Variants in DLG2 observed in about 807,000 individuals in gnomAD.
DLG2 encodes the protein discs large MAGUK scaffold protein 2, also known as disks large homolog 2.
Under a neutral mutation model 132.5 loss-of-function variants are expected in DLG2, and 45 were observed. The observed-to-expected ratio is 0.34, with a 90% CI of 0.27 to 0.44. DLG2 has a LOEUF of 0.44. Ranked by LOEUF, DLG2 falls within the 20% of genes least tolerant of loss-of-function variation. The pLI, the probability that DLG2 is intolerant of heterozygous loss-of-function variation, is 1.00. For missense variants in DLG2, 1,045 were observed against 1,196.9 expected (o/e 0.87, Z 1.87); for synonymous variants, 424 against 419.6 (o/e 1.01, Z -0.13).
chr11:84,898,180 C>T (rs537196040), intron 6 of DLG2, among the ~76,000 whole-genome samples: 1 of 151,974 alleles, frequency 6.6e-6, no homozygotes, highest in Admixed American at 6.6e-5. Context: ...GTTAAATAAG[C>T]TAAGTTTGTA....
chr11:84,895,635 T>C (rs980036747), intron 6 of DLG2, among the ~76,000 whole-genome samples: 1 of 152,108 alleles, frequency 6.6e-6, no homozygotes, highest in African/African-American at 2.4e-5. Context: ...GGCAGATAGT[T>C]TTTTAGTTTT....
At chr11:84,412,931 A>G (rs1260193212) in intron 7 of DLG2, among the ~76,000 whole-genome samples, 1 of 152,232 alleles carries the variant, frequency 6.6e-6, no homozygotes, top group Non-Finnish European at 1.5e-5. Context: ...AACCCAATGG[A>G]AAATTCTTTT....
intron 6 of DLG2, among the ~76,000 whole-genome samples, chr11:84,846,125 A>C (rs2081441511): frequency 6.6e-6 from 1 of 152,060 alleles, no homozygotes; most frequent in Admixed American, 6.6e-5. Context: ...CTCATCTAGA[A>C]TCTTATCCTC....
chr11:84,805,168 G>C (rs2075849628), intron 6 of DLG2, among the ~76,000 whole-genome samples: 1 of 152,004 alleles, frequency 6.6e-6, no homozygotes, highest in Non-Finnish European at 1.5e-5. Flanking sequence ...GCTAACAATG[G>C]AGGCTTAGTG....
chr11:84,839,778 G>A (rs1441521830), intron 6 of DLG2, among the ~76,000 whole-genome samples: 2 of 152,078 alleles, frequency 1.3e-5, no homozygotes, highest in African/African-American at 2.4e-5. Flanking sequence ...GGGAAAACTG[G>A]CTACCCATAT....
intron 7 of DLG2, among the ~76,000 whole-genome samples, chr11:84,365,490 G>GT (rs2098676671): frequency 1.3e-5 from 2 of 152,080 alleles, no homozygotes; most frequent in South Asian, 2.1e-4. Context: ...TTTTTGAAGG[G>GT]TTTTTTATGT....
intron 6 of DLG2, among the ~76,000 whole-genome samples, chr11:84,886,520 C>T (rs537492430): frequency 2.6e-4 from 40 of 152,224 alleles, no homozygotes; most frequent in South Asian, 1.2e-3. Context: ...CATCTCTTGG[C>T]ACCACTGTCA....
intron 6 of DLG2, among the ~76,000 whole-genome samples, chr11:85,062,440 A>G (rs2064255352): frequency 6.6e-6 from 1 of 151,732 alleles, no homozygotes; most frequent in African/African-American, 2.4e-5. Flanking sequence ...GTTGTTAAGA[A>G]GATAATAAAT....
intron 6 of DLG2, among the ~76,000 whole-genome samples, chr11:84,927,722 A>T (rs755497532): frequency 6.6e-6 from 1 of 151,988 alleles, no homozygotes; most frequent in Non-Finnish European, 1.5e-5. Flanking sequence ...CATGTCAGAA[A>T]ATATTATGAT....
chr11:83,762,727 C>T (rs2093963121), intron 18 of DLG2, among the ~76,000 whole-genome samples: 1 of 152,082 alleles, frequency 6.6e-6, no homozygotes, highest in Non-Finnish European at 1.5e-5. Flanking sequence ...ACTACAGGCG[C>T]ATGCCGCCAC....
chr11:84,710,267 C>T (rs2060233919), intron 6 of DLG2, among the ~76,000 whole-genome samples: 1 of 151,888 alleles, frequency 6.6e-6, no homozygotes, highest in Non-Finnish European at 1.5e-5. Context: ...ACTGAAAGGT[C>T]CCCAAGGCAG....
rs148933973 is a variant in DLG2 at position 83,471,720 on chromosome 11, G to A, written c.2352C>T (p.Tyr784=). 4 of 1,612,416 alleles carry A rather than the reference G, an allele frequency of 2.5e-6. No homozygotes were observed. The highest frequency in any genetic ancestry group is 1.7e-5 in the Admixed American group (1 of 59,852). ...YEPVTRQEIN[Y]TRPVIILGPM... ...GCCCCAGGATAATCACCGGCCGGGT[G>A]TAGTTTACTGCAGAATGGGAAAGGA... The change falls in exon 24 of 28, where the codon TAC becomes TAT. Residue 784 remains tyrosine (Y), a synonymous_variant. Transcript: ENST00000376104.
chr11:85,032,073 G>A (rs1407774498), intron 6 of DLG2, among the ~76,000 whole-genome samples: 1 of 151,146 alleles, frequency 6.6e-6, no homozygotes. Context: ...AAAGTGCTGG[G>A]ATTATAGGCA....
At position 84,153,537 on chromosome 11, in the gene DLG2, T is replaced by A. The variant is rs1054529109; in HGVS notation, c.624+9924A>T. On this transcript the variant is annotated intron_variant, in intron 9 of 27. Coordinates refer to ENST00000376104, the MANE Select transcript of DLG2 (RefSeq NM_001142699.3). ...CATATTTCTTGGAGGTTTTGCTCAT[T>A]AAAAAAAAATATTTTTTCTTTATTT... Among the ~76,000 whole-genome samples the A allele has an allele frequency of 2.0e-5, 3 of 151,204 alleles. No homozygotes were observed. The East Asian group carries it at 5.8e-4, about 29-fold the overall frequency.
chr11:83,506,777 CTATTGTAAGTTGCAGGGT>C (rs1000056314), intron 21 of DLG2, among the ~76,000 whole-genome samples: 3 of 152,188 alleles, frequency 2.0e-5, no homozygotes, highest in African/African-American at 7.2e-5. Flanking sequence ...TCACACGTTT[CTATTGTAAGTTGCAGGGT>C]CCCATTCTTT....
intron 4 of DLG2, among the ~76,000 whole-genome samples, chr11:85,179,755 G>A (rs1041062585): frequency 6.6e-6 from 1 of 151,800 alleles, no homozygotes; most frequent in South Asian, 2.1e-4. Flanking sequence ...TAATACAAAT[G>A]AACTAAACCT....
intron 7 of DLG2, among the ~76,000 whole-genome samples, chr11:84,460,035 C>T (rs527855761): frequency 1.1e-4 from 17 of 150,672 alleles, no homozygotes; most frequent in African/African-American, 3.9e-4. Context: ...CAAATAGTGT[C>T]CTTCTATTTT....
intron 9 of DLG2, among the ~76,000 whole-genome samples, chr11:84,142,593 G>A (rs1000664957): frequency 6.6e-6 from 1 of 152,132 alleles, no homozygotes; most frequent in Non-Finnish European, 1.5e-5. Context: ...AGTAGGCTGA[G>A]TAAAGAAGTT....
rs538566686 is a variant in DLG2, at chr11:84,077,063, C to G, written c.750-17579G>C. Among the ~76,000 whole-genome samples, 72 of 152,266 alleles carry G rather than the reference C, an allele frequency of 4.7e-4. 1 individual carries two copies. The South Asian group carries it at 0.014, about 29-fold the overall frequency. ...CTATATTCTGCATCTTCAAACCCAG[C>G]CTCTACTTAAGTCATCTCTGAATAT... On this transcript the variant is annotated intron_variant, in intron 10 of 27. Transcript: ENST00000376104.
Sources: allele counts gnomAD v4.1 joint callset (sites outside exome capture counted in the v4.1 genomes callset), GRCh38; gene constraint gnomAD v4.1.1; transcripts MANE v1.5; gene names NCBI Gene and HGNC (gene_info 2026-07-23, HGNC 2026-07-21).